HOXC8: variants seen among roughly 807,000 people sequenced by gnomAD.
HOXC8 encodes homeobox protein Hox-C8.
HOXC8 carries 14 observed loss-of-function variants against 25.8 expected under a neutral mutation model. The observed-to-expected ratio is 0.54, with a 90% CI of 0.36 to 0.85. HOXC8 has a LOEUF of 0.85. Among genes scored for constraint, HOXC8 ranks in the 40% least tolerant of loss-of-function variants. The pLI is 0.01. For synonymous variants in HOXC8, 144 were observed against 124.6 expected (o/e 1.16, Z -1.04); for missense variants, 316 against 308.8 (o/e 1.02, Z -0.17).
At position 54,009,140 on chromosome 12, in the gene HOXC8, C is replaced by G. The variant is rs1240622422; in HGVS notation, c.-145C>G. 1 of 716,362 alleles carries G rather than the reference C, an allele frequency of 1.4e-6. No individual in the cohort carries two copies. The highest frequency in any genetic ancestry group is 2.4e-6 in the Non-Finnish European group (1 of 422,562). 44.4% of individuals were successfully genotyped at this position (716,362 alleles called of 1,614,324 possible). ...AGCACCGAGGCGCCCCCCAACCTGCCCAGCCCCCAGCCCACCAGCCCAGCC... is the reference window on the plus strand; with the variant it reads ...AGCACCGAGGCGCCCCCCAACCTGCGCAGCCCCCAGCCCACCAGCCCAGCC... On this transcript the variant is annotated 5_prime_UTR_variant, in exon 1 of 2. Transcript: ENST00000040584. This position sits in a 1 kb window ranked among gnomAD's most constrained non-coding sequence, Gnocchi z 5.0.
chr12:54,010,576 C>G (rs1939966977), intron 1 of HOXC8, among the ~76,000 whole-genome samples: 1 of 152,210 alleles, frequency 6.6e-6, no homozygotes, highest in Non-Finnish European at 1.5e-5. Context: ...GATTTATTTG[C>G]TGGTCTCCAG....
Position 54,009,165 on chromosome 12 carries a change from C to T in HOXC8, c.-120C>T, listed in dbSNP as rs1939921926. On this transcript the variant is annotated 5_prime_UTR_variant, in exon 1 of 2. Transcript: ENST00000040584. The surrounding 1 kb of genome is among the most constrained non-coding windows in gnomAD (Gnocchi z 5.0). ...CCAGCCCCCAGCCCACCAGCCCAGC[C>T]CAGTCCCGGGGAGCCAGCTGGCCTG... The T allele has an allele frequency of 3.5e-6, 3 of 868,056 alleles. No homozygotes were observed. The East Asian group carries it at 7.3e-5, about 21-fold the overall frequency. 53.8% of individuals were successfully genotyped at this position (868,056 alleles called of 1,614,324 possible).
Position 54,009,049 on chromosome 12 carries a change from C to A in HOXC8, c.-236C>A. On this transcript the variant is annotated 5_prime_UTR_variant, in exon 1 of 2. Coordinates refer to ENST00000040584, the MANE Select transcript of HOXC8 (RefSeq NM_022658.4). The surrounding 1 kb of genome is among the most constrained non-coding windows in gnomAD (Gnocchi z 5.0). ...GCGCCGCCGCCGCCGCCGCCGCCCG[C>A]TCGCCGCCCGCCGCCGCCGCCGCCC... The A allele has an allele frequency of 6.5e-6, 1 of 153,428 alleles. No individual in the cohort carries two copies. Among genetic ancestry groups the A allele is most frequent in the Non-Finnish European group, 1.4e-5 (1 of 71,370 alleles). 9.5% of individuals were successfully genotyped at this position (153,428 alleles called of 1,614,324 possible).
rs1254587382 is a variant in HOXC8 at position 54,009,233 on chromosome 12, G to A, written c.-52G>A. On this transcript the variant is annotated 5_prime_UTR_variant, in exon 1 of 2. Transcript: ENST00000040584. The surrounding 1 kb of genome is among the most constrained non-coding windows in gnomAD (Gnocchi z 5.0). The stretch of plus-strand genomic sequence containing the variant: ...GAGGGGAGTTTCGGGGGTACTGGGC[G>A]GGGTACTCGTGAGCCAGAGGGGAGG... The A allele has an allele frequency of 1.4e-6, 2 of 1,438,976 alleles. No individual in the cohort carries two copies. The highest frequency in any genetic ancestry group is 1.4e-5 in the African/African-American group (1 of 70,296). The allele number at this position is 1,438,976 out of a possible 1,614,324, so 89.1% of individuals were successfully genotyped here. A position where few individuals can be genotyped will look rare whatever the true frequency, so the allele number is the denominator to read the frequency against.
chr12:54,012,540 G>T lies in HOXC8; in HGVS notation c.*1159G>T, dbSNP rs1940021802. 1.3e-5 allele frequency among the ~76,000 whole-genome samples: 2 copies of T among 152,056 alleles called. No homozygotes were observed. The highest frequency in any genetic ancestry group is 6.5e-5 in the Admixed American group (1 of 15,270). On this transcript the variant is annotated 3_prime_UTR_variant, in exon 2 of 2. Coordinates refer to ENST00000040584, the MANE Select transcript of HOXC8 (RefSeq NM_022658.4). ...TTGTGCTTCTAACCCCAGTAGAGTA[G>T]AACTAAATTGCACTGAATGTATAGT...
chr12:54,009,648 A>G lies in HOXC8; in HGVS notation c.364A>G (p.Ser122Gly). 1 of 1,614,228 alleles carries G rather than the reference A, an allele frequency of 6.2e-7. No individual in the cohort carries two copies. Among genetic ancestry groups the G allele is most frequent in the South Asian group, 1.1e-5 (1 of 91,088 alleles). Reference protein sequence around the residue: ...PDCKSSANTNSSEGQGHLNQN... With the variant: ...PDCKSSANTNGSEGQGHLNQN... ...CTGTAAATCCTCCGCCAACACTAAC[A>G]GTAGCGAAGGACAAGGCCACTTAAA... The change falls in exon 1 of 2, where the codon AGT becomes GGT. Residue 122 changes from serine to glycine, a missense_variant. Ser to Gly is a moderately conservative substitution (Grantham distance 56). Transcript: ENST00000040584. The surrounding 1 kb of genome is among the most constrained non-coding windows in gnomAD (Gnocchi z 5.0).
rs1939920231 is a variant in HOXC8 at position 54,009,118 on chromosome 12, A to G, written c.-167A>G. 3.4e-6 allele frequency: 2 copies of G among 585,396 alleles called. No individual in the cohort carries two copies. Among genetic ancestry groups the G allele is most frequent in the African/African-American group, 3.7e-5 (2 of 53,480 alleles). The allele number at this position is 585,396 out of a possible 1,614,324, so 36.3% of individuals were successfully genotyped here. ...CTCTGCTGATCCGGCCGAGCTCAGCACCGAGGCGCCCCCCAACCTGCCCAG... is the reference window on the plus strand; with the variant it reads ...CTCTGCTGATCCGGCCGAGCTCAGCGCCGAGGCGCCCCCCAACCTGCCCAG... On this transcript the variant is annotated 5_prime_UTR_variant, in exon 1 of 2. Coordinates refer to ENST00000040584, the MANE Select transcript of HOXC8 (RefSeq NM_022658.4). The surrounding 1 kb of genome is among the most constrained non-coding windows in gnomAD (Gnocchi z 5.0).
rs759122487 is a variant in HOXC8 at position 54,011,342 on chromosome 12, G to T, written c.690G>T (p.Glu230Asp). ...TGGAGGAAGAAGGAAATGAGGAAGA[G>T]GAGAAAGAAGAGGAGGAAAAGGAAG... ...EKVEEEGNEE[E>D]EKEEEEKEEN... Residue 230 changes from glutamate (E) to aspartate (D), a missense_variant, in exon 2 of 2, where the codon GAG becomes GAT. By Grantham distance (45) the Glu-to-Asp change is conservative (BLOSUM62 2). Transcript: ENST00000040584. 5.0e-5 allele frequency: 74 copies of T among 1,493,724 alleles called. No homozygotes were observed. Among genetic ancestry groups the T allele is most frequent in the Non-Finnish European group, 6.4e-5 (72 of 1,127,496 alleles). The allele number at this position is 1,493,724 out of a possible 1,614,324, so 92.5% of individuals were successfully genotyped here.
intron 1 of HOXC8, among the ~76,000 whole-genome samples, chr12:54,010,177 C>T (rs1302273722): frequency 1.3e-5 from 2 of 152,188 alleles, no homozygotes. Flanking sequence ...CAAAGGGAGA[C>T]AGACCCCTGT....
chr12:54,010,061 GGGAAT>G (rs1230916938), intron 1 of HOXC8, among the ~76,000 whole-genome samples: 1 of 152,196 alleles, frequency 6.6e-6, no homozygotes, highest in African/African-American at 2.4e-5. Context: ...GGAGGTGGCT[GGGAAT>G]GGTACCCTGA....
chr12:54,010,152 C>G (rs1939952912), intron 1 of HOXC8, among the ~76,000 whole-genome samples: 1 of 152,168 alleles, frequency 6.6e-6, no homozygotes, highest in Admixed American at 6.5e-5. Context: ...GGACACTGGC[C>G]AGGCTGTCTT....
chr12:54,009,313 T>C lies in HOXC8; in HGVS notation c.29T>C (p.Phe10Ser). 1 of 1,600,514 alleles carries C rather than the reference T, an allele frequency of 6.2e-7. No individual in the cohort carries two copies. The highest frequency in any genetic ancestry group is 8.5e-7 in the Non-Finnish European group (1 of 1,171,126). MSSYFVNPL[F>S]SKYKAGESLE... ...AGCTCCTACTTCGTCAACCCCCTGT[T>C]CTCCAAATACAAAGCCGGCGAGTCC... The change falls in exon 1 of 2, where the codon TTC becomes TCC. Residue 10 changes from phenylalanine (F) to serine (S), a missense_variant. Phe to Ser is a radical substitution (Grantham distance 155). Transcript: ENST00000040584. This position sits in a 1 kb window ranked among gnomAD's most constrained non-coding sequence, Gnocchi z 5.0.
Position 54,009,224 on chromosome 12 carries a change from G to T in HOXC8, c.-61G>T. 2.9e-6 allele frequency: 4 copies of T among 1,380,964 alleles called. No individual in the cohort carries two copies. The highest frequency in any genetic ancestry group is 4.0e-6 in the Non-Finnish European group (4 of 1,004,972). The allele number at this position is 1,380,964 out of a possible 1,614,324, so 85.5% of individuals were successfully genotyped here. On this transcript the variant is annotated 5_prime_UTR_variant, in exon 1 of 2. Transcript: ENST00000040584. This position sits in a 1 kb window ranked among gnomAD's most constrained non-coding sequence, Gnocchi z 5.0. ...TCCCGGGGGGAGGGGAGTTTCGGGG[G>T]TACTGGGCGGGGTACTCGTGAGCCA... is the stretch of plus-strand genomic sequence containing the variant.
In HOXC8 at chr12:54,009,616, A is replaced by C. The variant is rs1392198416; in HGVS notation, c.332A>C (p.Tyr111Ser). 4.3e-6 allele frequency: 7 copies of C among 1,614,070 alleles called. No homozygotes were observed. Among genetic ancestry groups the C allele is most frequent in the Non-Finnish European group, 5.9e-6 (7 of 1,180,028 alleles). The change falls in exon 1 of 2, where the codon TAT (tyrosine) becomes TCT (serine). Residue 111 changes from tyrosine (Y) to serine (S), a missense_variant. Transcript: ENST00000040584. The surrounding 1 kb of genome is among the most constrained non-coding windows in gnomAD (Gnocchi z 5.0). ...GAQQEASVVQ[Y>S]PDCKSSANTN... ...CAGCAAGAGGCGAGCGTGGTGCAAT[A>C]TCCCGACTGTAAATCCTCCGCCAAC...
chr12:54,012,167 C>A lies in HOXC8; in HGVS notation c.*786C>A, dbSNP rs1468792468. The A allele has an allele frequency of 1.3e-5, 2 of 152,390 alleles. No homozygotes were observed. The highest frequency in any genetic ancestry group is 2.9e-5 in the Non-Finnish European group (2 of 67,996). The allele number at this position is 152,390 out of a possible 1,614,324, so 9.4% of individuals were successfully genotyped here. A position where few individuals can be genotyped will look rare whatever the true frequency, so the allele number is the denominator to read the frequency against. On this transcript the variant is annotated 3_prime_UTR_variant, in exon 2 of 2. Coordinates refer to ENST00000040584, the MANE Select transcript of HOXC8 (RefSeq NM_022658.4). ...TTTGATTTCTATTCTGTTGGGCCCG[C>A]CTTCCTCTGAGCTGCATTAGTGTTA...
In HOXC8 at chr12:54,009,181, A is replaced by C; in HGVS notation, c.-104A>C. 1.0e-6 allele frequency: 1 copy of C among 983,458 alleles called. No homozygotes were observed. Among genetic ancestry groups the C allele is most frequent in the Non-Finnish European group, 1.5e-6 (1 of 650,606 alleles). 60.9% of individuals were successfully genotyped at this position (983,458 alleles called of 1,614,324 possible). On this transcript the variant is annotated 5_prime_UTR_variant, in exon 1 of 2. Coordinates refer to ENST00000040584, the MANE Select transcript of HOXC8 (RefSeq NM_022658.4). This position sits in a 1 kb window ranked among gnomAD's most constrained non-coding sequence, Gnocchi z 5.0. ...CAGCCCAGCCCAGTCCCGGGGAGCC[A>C]GCTGGCCTGGGGTTCGGTCCCGGGG...
Position 54,011,393 on chromosome 12 carries a change from A to G in HOXC8, c.*12A>G. 1 of 1,392,508 alleles carries G rather than the reference A, an allele frequency of 7.2e-7. No individual in the cohort carries two copies. The highest frequency in any genetic ancestry group is 9.4e-7 in the Non-Finnish European group (1 of 1,059,340). The allele number at this position is 1,392,508 out of a possible 1,614,324, so 86.3% of individuals were successfully genotyped here. On this transcript the variant is annotated 3_prime_UTR_variant, in exon 2 of 2. Coordinates refer to ENST00000040584, the MANE Select transcript of HOXC8 (RefSeq NM_022658.4). ...AAAACAAGGACTAAGCAAAAAAGAAAGACCCCCCCCCCCTTAGCAACTCCC... is the reference window on the plus strand; with the variant it reads ...AAAACAAGGACTAAGCAAAAAAGAAGGACCCCCCCCCCCTTAGCAACTCCC...
rs776800065 is a variant in HOXC8 at position 54,009,394 on chromosome 12, C to A, written c.110C>A (p.Ala37Glu). The change falls in exon 1 of 2, where the codon GCG becomes GAG. Residue 37 changes from alanine to glutamate, a missense_variant. Physicochemically the swap from Ala to Glu is moderately radical, Grantham distance 107. Transcript: ENST00000040584. This position sits in a 1 kb window ranked among gnomAD's most constrained non-coding sequence, Gnocchi z 5.0. ...RFPQSVGRSH[A>E]LVYGPGGSAP... is the part of the protein sequence containing the mutation. Reference sequence around the variant, plus strand: ...CCTCAGAGCGTGGGCAGGAGCCATGCGCTGGTGTACGGGCCCGGCGGCTCG... The same window carrying A: ...CCTCAGAGCGTGGGCAGGAGCCATGAGCTGGTGTACGGGCCCGGCGGCTCG... The A allele has an allele frequency of 5.6e-6, 9 of 1,614,050 alleles. No homozygotes were observed. The highest frequency in any genetic ancestry group is 7.6e-6 in the Non-Finnish European group (9 of 1,179,982).
rs1054430327 is a variant in HOXC8, at chr12:54,009,802, T to G, written c.436+82T>G. ...TCCCTCGCCTCCTTTTTGTCTGCCC[T>G]CGCTTTTTCTCCTGGCTTTGGGGTC... On this transcript the variant is annotated intron_variant, in intron 1 of 1. Transcript: ENST00000040584. This position sits in a 1 kb window ranked among gnomAD's most constrained non-coding sequence, Gnocchi z 5.0. The G allele has an allele frequency of 3.2e-6, 4 of 1,244,456 alleles. No individual in the cohort carries two copies. Among genetic ancestry groups the G allele is most frequent in the African/African-American group, 1.5e-5 (1 of 66,938 alleles). 77.1% of individuals were successfully genotyped at this position (1,244,456 alleles called of 1,614,324 possible). A position where few individuals can be genotyped will look rare whatever the true frequency, so the allele number is the denominator to read the frequency against.
Sources: allele counts gnomAD v4.1 joint callset (sites outside exome capture counted in the v4.1 genomes callset), GRCh38; gene constraint gnomAD v4.1.1; non-coding constraint Gnocchi (gnomAD v3.1); transcripts MANE v1.5; gene names NCBI Gene and HGNC (gene_info 2026-07-23, HGNC 2026-07-21).